RSPH10B: variants seen among roughly 807,000 people sequenced by gnomAD.
RSPH10B encodes radial spoke head 10 homolog B.
A neutral mutation model predicts 52.5 loss-of-function variants in RSPH10B; 7 were observed. That is an observed-to-expected ratio of 0.13 (90% confidence interval 0.08 to 0.25). RSPH10B has a LOEUF of 0.25. RSPH10B is among the 10% of genes least tolerant of loss of function. The pLI is 1.00. For synonymous variants in RSPH10B, 28 were observed against 193.2 expected (o/e 0.14, Z 7.09); for missense variants, 89 against 542.5 (o/e 0.16, Z 8.30).
At chr7:5,947,659 G>A (rs1780481342) in intron 10 of RSPH10B, among the ~76,000 whole-genome samples, 1 of 104,208 alleles carries the variant, frequency 9.6e-6, no homozygotes, top group Non-Finnish European at 2.0e-5. Context: ...AGGTTGCGGT[G>A]AGCCGAGATC....
chr7:5,926,997 C>T (rs1779464735), intron 18 of RSPH10B, among the ~76,000 whole-genome samples: 2 of 150,212 alleles, frequency 1.3e-5, no homozygotes, highest in Admixed American at 1.3e-4. Context: ...TCAGGTGATC[C>T]ACCCACCTCG....
chr7:5,941,753 AG>A (rs1780202156), intron 13 of RSPH10B, among the ~76,000 whole-genome samples: 1 of 141,214 alleles, frequency 7.1e-6, no homozygotes, highest in Non-Finnish European at 1.6e-5. Context: ...AAAAAAAAAA[AG>A]TATCATGGAA....
At chr7:5,927,056 GTGTGTGTGTGTATA>G (rs1380578252) in intron 18 of RSPH10B, among the ~76,000 whole-genome samples, 40 of 78,288 alleles carry the variant, frequency 5.1e-4, no homozygotes, top group Middle Eastern at 0.011. Flanking sequence ...TATTATGTGT[GTGTGTGTGTGTATA>G]TGTGTGTGTG....
At chr7:5,942,041 G>C (rs1412243969) in intron 13 of RSPH10B, among the ~76,000 whole-genome samples, 15 of 149,668 alleles carry the variant, frequency 1.0e-4, no homozygotes, top group Non-Finnish European at 1.5e-4. Context: ...TACAGGCTCC[G>C]GCCACCATGC....
intron 3 of RSPH10B, among the ~76,000 whole-genome samples, chr7:5,961,620 A>G (rs1412266466): frequency 9.8e-5 from 7 of 71,214 alleles, no homozygotes; most frequent in Non-Finnish European, 1.9e-4. Context: ...TGAGATTAAC[A>G]GGCATTTAAC....
chr7:5,927,794 G>A (rs1194036494), intron 18 of RSPH10B, among the ~76,000 whole-genome samples: 3 of 146,244 alleles, frequency 2.1e-5, no homozygotes, highest in Admixed American at 2.1e-4. Context: ...AAATTAGCCA[G>A]GCGTGGTGGT....
At position 5,941,363 on chromosome 7, in the gene RSPH10B, T is replaced by C. The variant is rs375145367; in HGVS notation, c.1758+1961A>G. Among the ~76,000 whole-genome samples, 24 of 141,930 alleles carry C rather than the reference T, an allele frequency of 1.7e-4. 1 individual carries two copies. Among genetic ancestry groups the C allele is most frequent in the East Asian group, 8.1e-4 (4 of 4,920 alleles). The allele number at this position is 141,930 out of a possible 152,430, so 93.1% of individuals were successfully genotyped here. A position where few individuals can be genotyped will look rare whatever the true frequency, so the allele number is the denominator to read the frequency against. ...GGTTATTATCCATTTTTCATATGTA[T>C]ACAACATTATGAAATTTGTAAAAAC... is the stretch of plus-strand genomic sequence containing the variant. On this transcript the variant is annotated intron_variant, in intron 13 of 18. Transcript: ENST00000337579.
At chr7:5,927,073 TGTGTGTGTG>T (rs1562553348) in intron 18 of RSPH10B, among the ~76,000 whole-genome samples, 18 of 106,122 alleles carry the variant, frequency 1.7e-4, no homozygotes, top group Admixed American at 5.2e-4. Flanking sequence ...TGTGTATATG[TGTGTGTGTG>T]TGTGTGTGTG....
intron 15 of RSPH10B, among the ~76,000 whole-genome samples, chr7:5,937,086 CAAAAAAAAA>C (rs1246119855): frequency 6.8e-3 from 171 of 25,100 alleles, no homozygotes; most frequent in African/African-American, 0.017. Flanking sequence ...AGCTCTGTCT[CAAAAAAAAA>C]AAAAAAAAAA....
chr7:5,954,046 T>C (rs1160815681), intron 7 of RSPH10B, among the ~76,000 whole-genome samples: 1 of 63,642 alleles, frequency 1.6e-5, no homozygotes, highest in African/African-American at 6.9e-5. Context: ...GGTTTCACCA[T>C]GTTAGCCAGG....
intron 13 of RSPH10B, among the ~76,000 whole-genome samples, chr7:5,941,530 GT>G (rs1780185710): frequency 6.7e-6 from 1 of 149,442 alleles, no homozygotes; most frequent in African/African-American, 2.5e-5. Flanking sequence ...GGATCACGAG[GT>G]CAAGAGATTG....
exon 13 of RSPH10B, chr7:5,943,383 T>C: frequency 1.2e-6 from 2 of 1,601,774 alleles, no homozygotes; most frequent in Admixed American, 1.7e-5. Context: ...GGCGCTGCAC[T>C]GGGTCTGCAG....
chr7:5,931,997 A>AAAAAG lies in RSPH10B; in HGVS notation c.2233+780_2233+784dup, dbSNP rs1214446483. On this transcript the variant is annotated intron_variant, in intron 17 of 18. Coordinates refer to ENST00000337579, the Ensembl canonical transcript of RSPH10B. ...AAGTAAAACCCTGTCTCAAAAAAAG[A>AAAAAG]AAAAGAAAAGAAAAGAAAAGGGGAA... Among the ~76,000 whole-genome samples the AAAAAG allele has an allele frequency of 1.0e-3, 153 of 150,950 alleles. No homozygotes were observed. The Middle Eastern group carries it at 0.014, about 13-fold the overall frequency.
At chr7:5,929,527 AGAGACAAGGATAGCT>A (rs1562557271) in intron 17 of RSPH10B, among the ~76,000 whole-genome samples, 1 of 37,956 alleles carries the variant, frequency 2.6e-5, no homozygotes, top group Non-Finnish European at 5.0e-5. Context: ...AAACCCCTTT[AGAGACAAGGATAGCT>A]GTGTATCCCA....
chr7:5,941,121 G>A (rs1479758957), intron 13 of RSPH10B, among the ~76,000 whole-genome samples: 2 of 92,146 alleles, frequency 2.2e-5, no homozygotes, highest in African/African-American at 7.5e-5. Context: ...GGGCAACATG[G>A]CAATAACCCG....
chr7:5,942,908 T>TTTTATATATATATATATA (rs1562567079), intron 13 of RSPH10B, among the ~76,000 whole-genome samples: 2 of 117,432 alleles, frequency 1.7e-5, no homozygotes, highest in African/African-American at 6.3e-5. Flanking sequence ...ATATATATAT[T>TTTTATATATATATATATA]TATTTATATA....
chr7:5,958,931 C>T (rs577895872), intron 5 of RSPH10B, 62 bp downstream of exon 7: 17 of 1,362,054 alleles, frequency 1.2e-5, no homozygotes, highest in East Asian at 4.6e-5. Context: ...CCGAGGTGAA[C>T]GCTATTGGGC....
intron 3 of RSPH10B, among the ~76,000 whole-genome samples, chr7:5,963,902 CAAAAA>C (rs529339716): frequency 0.015 from 1,210 of 83,102 alleles, 4 homozygotes; most frequent in African/African-American, 0.051. Flanking sequence ...CCTGTCTCTA[CAAAAA>C]AAAAAAAAAA....
In RSPH10B at chr7:5,966,328, T is replaced by C. The variant is rs1398157382; in HGVS notation, c.254+535A>G. On this transcript the variant is annotated intron_variant, in intron 1 of 18. Coordinates refer to ENST00000337579, the Ensembl canonical transcript of RSPH10B. ...ATAATTAAGATAGTACATTTTGTTATATGTTTCACCACAATAAACTCTATA... is the reference window on the plus strand; with the variant it reads ...ATAATTAAGATAGTACATTTTGTTACATGTTTCACCACAATAAACTCTATA... Among the ~76,000 whole-genome samples, 4 of 105,280 alleles carry C rather than the reference T, an allele frequency of 3.8e-5. 1 individual carries two copies. The highest frequency in any genetic ancestry group is 1.4e-4 in the African/African-American group (4 of 28,310). The allele number at this position is 105,280 out of a possible 152,430, so 69.1% of individuals were successfully genotyped here.
Sources: gnomAD v4.1 joint callset for allele counts (sites outside exome capture counted in the v4.1 genomes callset) on GRCh38, gnomAD v4.1.1 for gene constraint, MANE v1.5 for transcripts, NCBI Gene and HGNC (gene_info 2026-07-23, HGNC 2026-07-21) for gene names.